Variants in TTK observed in about 807,000 individuals in gnomAD.
The protein encoded by TTK is TTK protein kinase, also known as dual specificity protein kinase TTK.
A neutral mutation model predicts 117.3 loss-of-function variants in TTK; 59 were observed. That is an observed-to-expected ratio of 0.50 (90% confidence interval 0.41 to 0.62). The LOEUF (loss-of-function observed/expected upper bound fraction) is 0.62. TTK is among the 20% of genes least tolerant of loss of function. TTK has a pLI of 0.00. For missense variants in TTK, 921 were observed against 989.4 expected, an observed-to-expected ratio of 0.93 and a Z score of 0.93; for synonymous variants, 302 against 325.0, an observed-to-expected ratio of 0.93 and a Z score of 0.76.
intron 17 of TTK, among the ~76,000 whole-genome samples, chr6:80,037,246 T>C (rs1410618739): frequency 1.3e-5 from 2 of 151,998 alleles, no homozygotes; most frequent in African/African-American, 2.4e-5. Flanking sequence ...AAAATAGACT[T>C]TGTTAGGAGG....
Position 80,040,228 on chromosome 6 carries a change from A to C in TTK, c.2340A>C (p.Ile780=). ...CCLKRDPKQR[I]SIPELLAHPY... ...TAAAAAGGGACCCAAAACAGAGGAT[A>C]TCCATTCCTGAGCTCCTGGCTCATC... The change falls in exon 20 of 22, where the codon ATA becomes ATC. Residue 780 remains isoleucine (I), a synonymous_variant. Coordinates refer to ENST00000369798, the MANE Select transcript of TTK (RefSeq NM_003318.5). 1 of 1,592,790 alleles carries C rather than the reference A, an allele frequency of 6.3e-7. No individual in the cohort carries two copies. Among genetic ancestry groups the C allele is most frequent in the Non-Finnish European group, 8.5e-7 (1 of 1,170,462 alleles).
intron 11 of TTK, among the ~76,000 whole-genome samples, chr6:80,025,403 C>G (rs1767579515): frequency 6.6e-6 from 1 of 152,104 alleles, no homozygotes; most frequent in African/African-American, 2.4e-5. Context: ...GTAATGAGGA[C>G]CAGTGTGTTG....
intron 8 of TTK, among the ~76,000 whole-genome samples, chr6:80,012,978 T>G (rs898065947): frequency 6.6e-6 from 1 of 152,118 alleles, no homozygotes; most frequent in Non-Finnish European, 1.5e-5. Context: ...TAATTGGAAA[T>G]GTAGTTTCAT....
chr6:80,038,328 G>A (rs1350092857), intron 18 of TTK, among the ~76,000 whole-genome samples: 3 of 152,220 alleles, frequency 2.0e-5, no homozygotes, highest in East Asian at 3.9e-4. Context: ...ATGAGTTTGC[G>A]TTAGCCTCAT....
chr6:80,011,642 CAT>C (rs1767159021), intron 6 of TTK, 85 bp from the exon 7 acceptor site: 1 of 1,542,644 alleles, frequency 6.5e-7, no homozygotes, highest in South Asian at 1.1e-5. Context: ...TATATGTTTT[CAT>C]GTGTGTGATA....
At position 80,011,796 on chromosome 6, in the gene TTK, A is replaced by G. The variant is rs1216481378; in HGVS notation, c.796A>G (p.Lys266Glu). Residue 266 changes from lysine (K) to glutamate (E), a missense_variant, in exon 7 of 22, where the codon AAA (lysine) becomes GAA (glutamate). Physicochemically the swap from Lys to Glu is moderately conservative, Grantham distance 56 (BLOSUM62 1). Coordinates refer to ENST00000369798, the MANE Select transcript of TTK (RefSeq NM_003318.5). Reference protein sequence around the residue: ...RNSLRQTNKTKQSCPFGRVPV... With the variant: ...RNSLRQTNKTEQSCPFGRVPV... ...TTCATTGAGACAAACTAACAAAACT[A>G]AACAGGTAAGTTACTTTCAATCTGC... is the stretch of plus-strand genomic sequence containing the variant. 28 of 1,612,684 alleles carry G rather than the reference A, an allele frequency of 1.7e-5. No individual in the cohort carries two copies. Among genetic ancestry groups the G allele is most frequent in the Non-Finnish European group, 2.3e-5 (27 of 1,179,176 alleles).
At chr6:80,008,929 C>CTGTGTG (rs3049166) in intron 4 of TTK, among the ~76,000 whole-genome samples, 7,448 of 142,332 alleles carry the variant, frequency 0.052, 208 homozygotes, top group Non-Finnish European at 0.057. Context: ...AACTATATAT[C>CTGTGTG]TGTGTGTGTG....
In TTK at chr6:80,010,836, A is replaced by G. The variant is rs1390183151; in HGVS notation, c.492A>G (p.Gln164=). ...LSQGNVKKSK[Q]LLQKAVERGA... is the part of the protein sequence containing the mutation. ...TAGGTAATGTCAAAAAAAGTAAACA[A>G]CTTCTTCAAAAAGCTGTAGAACGTG... Residue 164 remains glutamine, a synonymous_variant, in exon 5 of 22, where the codon CAA becomes CAG. Transcript: ENST00000369798. 5 of 1,611,004 alleles carry G rather than the reference A, an allele frequency of 3.1e-6. No homozygotes were observed. The highest frequency in any genetic ancestry group is 4.2e-6 in the Non-Finnish European group (5 of 1,178,226).
At chr6:80,008,121 G>T in intron 3 of TTK, 90 bp downstream of exon 3, 2 of 1,394,992 alleles carry the variant, frequency 1.4e-6, no homozygotes, top group South Asian at 1.4e-5. Context: ...TGGCAGTATT[G>T]TGAGAAAATA....
intron 14 of TTK, among the ~76,000 whole-genome samples, chr6:80,033,269 T>C (rs1767806224): frequency 6.6e-6 from 1 of 152,216 alleles, no homozygotes; most frequent in Admixed American, 6.5e-5. Context: ...TCCTGGCTTA[T>C]TTTAACATGA....
At chr6:80,028,758 TAACTA>T (rs1257243966) in intron 13 of TTK, among the ~76,000 whole-genome samples, 8 of 152,192 alleles carry the variant, frequency 5.3e-5, no homozygotes, top group African/African-American at 1.2e-4. Flanking sequence ...ATTATACTAA[TAACTA>T]AACTAAGAGG....
Position 80,037,858 on chromosome 6 carries a change from C to T in TTK, c.2050-109C>T, listed in dbSNP as rs1031011081. 17 of 463,686 alleles carry T rather than the reference C, an allele frequency of 3.7e-5. No individual in the cohort carries two copies. The South Asian group carries it at 6.4e-4, about 18-fold the overall frequency. The allele number at this position is 463,686 out of a possible 1,614,324, so 28.7% of individuals were successfully genotyped here. On this transcript the variant is annotated intron_variant, in intron 17 of 21. Coordinates refer to ENST00000369798, the MANE Select transcript of TTK (RefSeq NM_003318.5). ...CATTTGTATTTTTAAGAATCTAAAA[C>T]TTAAAGTATAATAATAATAATAATA...
Position 80,042,197 on chromosome 6 carries a change from A to G in TTK, c.2569A>G (p.Lys857Glu). The change falls in exon 22 of 22, where the codon AAA becomes GAA. Residue 857 changes from lysine (K) to glutamate (E), a missense_variant. Transcript: ENST00000369798. ...SKTFEKKRGK[K>E] ...GACTTTTGAAAAAAAAAGGGGAAAA[A>G]AATGATTTGCAGTTATTCGTAATGT... The G allele has an allele frequency of 6.3e-7, 1 of 1,598,060 alleles. No individual in the cohort carries two copies. Among genetic ancestry groups the G allele is most frequent in the Non-Finnish European group, 8.6e-7 (1 of 1,169,546 alleles).
chr6:80,013,741 A>T (rs1767229818), intron 9 of TTK, among the ~76,000 whole-genome samples: 1 of 152,062 alleles, frequency 6.6e-6, no homozygotes, highest in South Asian at 2.1e-4. Context: ...CTTAAAAAAA[A>T]ATGAGAGAGT....
At chr6:80,019,139 T>C (rs1296635012) in intron 10 of TTK, among the ~76,000 whole-genome samples, 5 of 152,208 alleles carry the variant, frequency 3.3e-5, no homozygotes, top group Admixed American at 6.5e-5. Context: ...TGTGTATTTG[T>C]AGAATGTTAA....
chr6:80,036,703 C>A, intron 17 of TTK, 104 bp downstream of exon 17: 1 of 1,243,956 alleles, frequency 8.0e-7, no homozygotes. Context: ...CCTCATTCTT[C>A]AAAGGATTTG....
At chr6:80,012,061 G>A (rs1767175065) in intron 8 of TTK, 81 bp downstream of exon 8, 3 of 1,053,632 alleles carry the variant, frequency 2.8e-6, no homozygotes, top group South Asian at 1.8e-5. Flanking sequence ...CTTTTACTGA[G>A]TAATAGTAAT....
intron 8 of TTK, 54 bp downstream of exon 8, chr6:80,012,034 C>A: frequency 2.1e-6 from 3 of 1,433,278 alleles, no homozygotes; most frequent in Non-Finnish European, 2.8e-6. Context: ...AGATTAATGG[C>A]AGAATGGTCT....
chr6:80,007,988 G>A lies in TTK; in HGVS notation c.319G>A (p.Glu107Lys), dbSNP rs56051245. ...ALPPDKYGQNESFARIQVRFA... is the reference protein window; with the variant it reads ...ALPPDKYGQNKSFARIQVRFA... Reference sequence around the variant, plus strand: ...TCCCCCAGATAAATATGGCCAAAATGAGAGTTTTGCTAGAATTCAAGTGAG... The same window carrying A: ...TCCCCCAGATAAATATGGCCAAAATAAGAGTTTTGCTAGAATTCAAGTGAG... The change falls in exon 3 of 22, where the codon GAG (glutamate) becomes AAG (lysine). Residue 107 changes from glutamate (E) to lysine (K), a missense_variant. Physicochemically the swap from Glu to Lys is moderately conservative, Grantham distance 56. Coordinates refer to ENST00000369798, the MANE Select transcript of TTK (RefSeq NM_003318.5). The A allele has an allele frequency of 5.3e-5, 86 of 1,613,376 alleles. No individual in the cohort carries two copies. Among genetic ancestry groups the A allele is most frequent in the Non-Finnish European group, 7.1e-5 (84 of 1,179,604 alleles).
Sources: allele counts gnomAD v4.1 joint callset (sites outside exome capture counted in the v4.1 genomes callset), GRCh38; gene constraint gnomAD v4.1.1; transcripts MANE v1.5; gene names NCBI Gene and HGNC (gene_info 2026-07-23, HGNC 2026-07-21).